The following STK31 variants were observed in gnomAD, a reference collection of about 807,000 sequenced individuals.
The protein encoded by STK31 is serine/threonine-protein kinase 31.
STK31 carries 89 observed loss-of-function variants against 129.7 expected under a neutral mutation model. That is an observed-to-expected ratio of 0.69 (90% CI 0.58 to 0.82). STK31 has a LOEUF of 0.82. Ranked by LOEUF, STK31 falls within the 40% of genes least tolerant of loss-of-function variation. The pLI, the probability that STK31 is intolerant of heterozygous loss-of-function variation, is 0.00. For synonymous variants in STK31, 448 were observed against 395.3 expected, an observed-to-expected ratio of 1.13 and a Z score of -1.58; for missense variants, 1,187 against 1,176.4, an observed-to-expected ratio of 1.01 and a Z score of -0.13.
chr7:23,710,395 C>T (rs1353769952), intron 1 of STK31, 60 bp downstream of exon 1: 1 of 1,611,778 alleles, frequency 6.2e-7, no homozygotes, highest in Non-Finnish European at 8.5e-7. Context: ...ATTTTCGTCG[C>T]TGCTTGCGTT....
chr7:23,717,157 G>A lies in STK31; in HGVS notation c.151-324G>A, dbSNP rs572447924. On this transcript the variant is annotated intron_variant, in intron 3 of 23. Transcript: ENST00000355870. ...TCTTTACTTTCTGGCACCATCAAAT[G>A]TCCCAGGATCATCTTTTATTTCCCA... Among the ~76,000 whole-genome samples, 3 of 98,528 alleles carry A rather than the reference G, an allele frequency of 3.0e-5. No individual in the cohort carries two copies. The South Asian group carries it at 1.0e-3, about 33-fold the overall frequency. The allele number at this position is 98,528 out of a possible 152,430, so 64.6% of individuals were successfully genotyped here.
chr7:23,721,522 A>T (rs1256346836), intron 4 of STK31: 2 of 971,214 alleles, frequency 2.1e-6, no homozygotes, highest in Non-Finnish European at 3.3e-6. Flanking sequence ...TGTATGTGTT[A>T]GTTCTCTGTT....
At chr7:23,712,473 A>G (rs986644154) in intron 3 of STK31, among the ~76,000 whole-genome samples, 187 bp downstream of exon 3, 11 of 152,184 alleles carry the variant, frequency 7.2e-5, no homozygotes, top group African/African-American at 2.7e-4. Flanking sequence ...TTGACTCATT[A>G]TGAGTCAAGT....
At chr7:23,816,824 G>T (rs1344399106) in intron 23 of STK31, among the ~76,000 whole-genome samples, 1 of 152,184 alleles carries the variant, frequency 6.6e-6, no homozygotes, top group Non-Finnish European at 1.5e-5. Context: ...CAAGAGGAAA[G>T]AATTATGTAA....
At chr7:23,784,619 T>C (rs1394516801) in intron 17 of STK31, among the ~76,000 whole-genome samples, 3 of 152,168 alleles carry the variant, frequency 2.0e-5, no homozygotes, top group African/African-American at 7.2e-5. Context: ...TTAACTGTAA[T>C]GTATGCTTAG....
At chr7:23,809,641 G>A (rs892593951) in intron 22 of STK31, among the ~76,000 whole-genome samples, 5 of 151,968 alleles carry the variant, frequency 3.3e-5, no homozygotes, top group Admixed American at 1.3e-4. Context: ...TTCCATCCAT[G>A]TTTGGTTGAA....
At chr7:23,746,097 T>C (rs1178625928) in intron 8 of STK31, among the ~76,000 whole-genome samples, 2 of 152,206 alleles carry the variant, frequency 1.3e-5, no homozygotes, top group African/African-American at 4.8e-5. Context: ...TGTTGGGCCC[T>C]AGACCATGAT....
intron 23 of STK31, among the ~76,000 whole-genome samples, chr7:23,820,495 A>G (rs576776305): frequency 6.6e-6 from 1 of 152,178 alleles, no homozygotes; most frequent in Non-Finnish European, 1.5e-5. Context: ...TAGGGTATCC[A>G]TTATCTTATT....
intron 1 of STK31, 73 bp downstream of exon 1, chr7:23,710,408 A>C: frequency 6.2e-7 from 1 of 1,608,658 alleles, no homozygotes; most frequent in Non-Finnish European, 8.5e-7. Flanking sequence ...CTTGCGTTTT[A>C]AGTCTCCAAT....
chr7:23,772,082 A>T, intron 14 of STK31, 65 bp from the exon 15 acceptor site: 2 of 1,202,710 alleles, frequency 1.7e-6, no homozygotes, highest in Non-Finnish European at 2.3e-6. Flanking sequence ...AGAAATAATA[A>T]ATGATCACTG....
chr7:23,751,778 T>C (rs1357557228), intron 8 of STK31, among the ~76,000 whole-genome samples: 1 of 152,212 alleles, frequency 6.6e-6, no homozygotes, highest in Admixed American at 6.5e-5. Context: ...GTTGGATCTT[T>C]TTGATGAATT....
intron 22 of STK31, among the ~76,000 whole-genome samples, chr7:23,814,166 A>ATTTTTTTTTTT (rs1584490648): frequency 4.2e-4 from 7 of 16,604 alleles, no homozygotes; most frequent in African/African-American, 2.3e-3. Context: ...TTTTTTTTTC[A>ATTTTTTTTTTT]GTTGGGAGGG....
At chr7:23,818,443 G>A (rs1793591792) in intron 23 of STK31, among the ~76,000 whole-genome samples, 1 of 152,234 alleles carries the variant, frequency 6.6e-6, no homozygotes, top group Non-Finnish European at 1.5e-5. Context: ...CAGTAAGATT[G>A]ATCAGTGTGT....
intron 22 of STK31, among the ~76,000 whole-genome samples, chr7:23,810,043 T>C (rs778629071): frequency 1.3e-5 from 2 of 152,200 alleles, no homozygotes; most frequent in Non-Finnish European, 2.9e-5. Context: ...GACTTGCCTA[T>C]TTCTCCTTTC....
intron 23 of STK31, among the ~76,000 whole-genome samples, chr7:23,827,217 G>A (rs1339788944): frequency 2.6e-5 from 4 of 152,152 alleles, no homozygotes; most frequent in Admixed American, 2.0e-4. Context: ...CATTCTCTTC[G>A]TCACTTTGAG....
rs1241446345 is a variant in STK31 at position 23,790,866 on chromosome 7, T to C, written c.2680T>C (p.Leu894=). 1 of 1,609,102 alleles carries C rather than the reference T, an allele frequency of 6.2e-7. No homozygotes were observed. Among genetic ancestry groups the C allele is most frequent in the Non-Finnish European group, 8.5e-7 (1 of 1,178,124 alleles). Residue 894 remains leucine, a synonymous_variant, in exon 22 of 24, where the codon TTG becomes CTG. Transcript: ENST00000355870. ...SVNMMVGDLS[L]MSPELKMGKP... The stretch of plus-strand genomic sequence containing the variant: ...GAACATGATGGTTGGTGACTTGAGT[T>C]TGATGTCACCTGAGTTGAAAATGGG...
chr7:23,787,748 AC>A lies in STK31; in HGVS notation c.2488-231del, dbSNP rs1350271430. Among the ~76,000 whole-genome samples the A allele has an allele frequency of 7.2e-5, 3 of 41,866 alleles. No homozygotes were observed. The East Asian group carries it at 1.6e-3, about 22-fold the overall frequency. 27.5% of individuals were successfully genotyped at this position (41,866 alleles called of 152,430 possible). On this transcript the variant is annotated intron_variant, in intron 20 of 23. Coordinates refer to ENST00000355870, the MANE Select transcript of STK31 (RefSeq NM_031414.5). ...GCCCAAAAGGTATGATTGTACACAC[AC>A]ACACACACACACACACACACACACA...
At chr7:23,730,878 A>ATATATATATTTTTTTTT in intron 6 of STK31, among the ~76,000 whole-genome samples, 1 of 59,540 alleles carries the variant, frequency 1.7e-5, no homozygotes, top group Non-Finnish European at 3.3e-5. Flanking sequence ...ATATATATAT[A>ATATATATATTTTTTTTT]TTTTTTTTTT....
At chr7:23,736,597 A>G (rs561835760) in intron 7 of STK31, among the ~76,000 whole-genome samples, 2,470 of 150,246 alleles carry the variant, frequency 0.016, 65 homozygotes, top group South Asian at 0.027. Flanking sequence ...GGGGGGGATC[A>G]CAGGAGGGAC....
Sources: gnomAD v4.1 joint callset for allele counts (sites outside exome capture counted in the v4.1 genomes callset) on GRCh38, gnomAD v4.1.1 for gene constraint, MANE v1.5 for transcripts, NCBI Gene and HGNC (gene_info 2026-07-23, HGNC 2026-07-21) for gene names.